DPP6: variants seen among roughly 807,000 people sequenced by gnomAD.
DPP6 encodes A-type potassium channel modulatory protein DPP6.
DPP6 carries 69 observed loss-of-function variants against 122.6 expected under a neutral mutation model. That is an observed-to-expected ratio of 0.56 (90% CI 0.46 to 0.69). DPP6 has a LOEUF of 0.69. Ranked by LOEUF, DPP6 falls within the 30% of genes least tolerant of loss-of-function variation. The probability of loss-of-function intolerance (pLI) is 0.00; values close to 1 mark genes in which losing one functional copy is unlikely to be tolerated. For synonymous variants in DPP6, 418 were observed against 433.1 expected (o/e 0.97, Z 0.43); for missense variants, 928 against 1,116.9 (o/e 0.83, Z 2.41).
At chr7:154,301,802 TTTTTTTTTTTTG>T (rs1356862850) in intron 1 of DPP6, among the ~76,000 whole-genome samples, 3,219 of 100,672 alleles carry the variant, frequency 0.032, 122 homozygotes, top group African/African-American at 0.16. Flanking sequence ...TTTTTTTTTT[TTTTTTTTTTTTG>T]TTGGAGACAG....
At chr7:154,770,744 A>C (rs994177890) in intron 9 of DPP6, among the ~76,000 whole-genome samples, 4 of 152,222 alleles carry the variant, frequency 2.6e-5, no homozygotes, top group Admixed American at 2.6e-4. Flanking sequence ...AGTGGCTGGG[A>C]GGGAATATTG....
At chr7:153,883,227 T>C (rs1199346966), upstream of DPP6, among the ~76,000 whole-genome samples, 5 of 152,210 alleles carry the variant, frequency 3.3e-5, no homozygotes, top group South Asian at 8.3e-4. Flanking sequence ...ATTTTGAGGA[T>C]GGGATAGGGA....
chr7:154,676,809 C>T (rs1056994677), intron 7 of DPP6, among the ~76,000 whole-genome samples: 7 of 152,262 alleles, frequency 4.6e-5, no homozygotes, highest in Admixed American at 6.5e-5. Context: ...GCAGGAACTA[C>T]GTGAAGCAGG....
At chr7:154,654,505 G>T (rs1008869366) in intron 6 of DPP6, among the ~76,000 whole-genome samples, 1 of 151,030 alleles carries the variant, frequency 6.6e-6, no homozygotes, top group Non-Finnish European at 1.5e-5. Context: ...TGCAACCTCT[G>T]CCTCCCAGGT....
intron 16 of DPP6, among the ~76,000 whole-genome samples, chr7:154,813,062 T>C (rs1022602837): frequency 1.3e-5 from 2 of 150,956 alleles, no homozygotes; most frequent in Admixed American, 6.7e-5. Flanking sequence ...ACTTAAATAA[T>C]AATTATTTTA....
At chr7:154,059,784 C>A (rs1264038839) in intron 1 of DPP6, among the ~76,000 whole-genome samples, 1 of 151,328 alleles carries the variant, frequency 6.6e-6, no homozygotes. Context: ...GGACTTTTAA[C>A]CCAAACTGTG....
chr7:154,375,109 C>G (rs964416105), intron 1 of DPP6, among the ~76,000 whole-genome samples: 1 of 151,952 alleles, frequency 6.6e-6, no homozygotes, highest in Non-Finnish European at 1.5e-5. Flanking sequence ...GCGTGAGTCC[C>G]GGGGAAGAGA....
chr7:154,374,565 GT>G lies in DPP6; in HGVS notation c.244-71639del, dbSNP rs528414842. ...TTGAGAGAATGGGCTGACATTATAG[GT>G]TTTTTTTTTCTTTTCTGTTTATTTT... On this transcript the variant is annotated intron_variant, in intron 1 of 25. Coordinates refer to ENST00000377770, the MANE Select transcript of DPP6 (RefSeq NM_130797.4). 6.2e-4 allele frequency among the ~76,000 whole-genome samples: 92 copies of G among 147,208 alleles called. No homozygotes were observed. In the South Asian group the frequency reaches 0.011, roughly 17 times the overall value.
At chr7:154,573,538 C>T (rs1831264004) in intron 5 of DPP6, among the ~76,000 whole-genome samples, 3 of 152,302 alleles carry the variant, frequency 2.0e-5, no homozygotes, top group South Asian at 2.1e-4. Flanking sequence ...CCTTTTATCC[C>T]GGGATGAATT....
chr7:154,127,636 C>CACACACACACAG lies in DPP6; in HGVS notation c.243+74584_243+74585insGACACACACACA, dbSNP rs1563225822. 3.8e-3 allele frequency among the ~76,000 whole-genome samples: 400 copies of CACACACACACAG among 104,160 alleles called. 1 individual carries two copies. The highest frequency in any genetic ancestry group is 0.017 in the African/African-American group (375 of 21,626). The allele number at this position is 104,160 out of a possible 152,430, so 68.3% of individuals were successfully genotyped here. A position where few individuals can be genotyped will look rare whatever the true frequency, so the allele number is the denominator to read the frequency against. The stretch of plus-strand genomic sequence containing the variant: ...ACACACACACACACACACACACAGA[C>CACACACACACAG]ACACACACACACACAGACACACACA... On this transcript the variant is annotated intron_variant, in intron 1 of 25. Coordinates refer to ENST00000377770, the MANE Select transcript of DPP6 (RefSeq NM_130797.4).
chr7:154,441,492 G>A (rs755523928), intron 1 of DPP6, among the ~76,000 whole-genome samples: 9 of 152,008 alleles, frequency 5.9e-5, no homozygotes, highest in Non-Finnish European at 1.3e-4. Flanking sequence ...TCCTTGCAGC[G>A]TTCAAAAATC....
At chr7:154,632,563 G>A (rs939047647) in intron 5 of DPP6, among the ~76,000 whole-genome samples, 6 of 152,186 alleles carry the variant, frequency 3.9e-5, no homozygotes, top group African/African-American at 1.4e-4. Context: ...GGCTGCTGAA[G>A]AGTTTATTCT....
intron 1 of DPP6, among the ~76,000 whole-genome samples, chr7:154,239,140 G>A (rs1801406160): frequency 6.6e-6 from 1 of 152,046 alleles, no homozygotes; most frequent in African/African-American, 2.4e-5. Flanking sequence ...AAATGGTCAG[G>A]GCCAATTCTT....
chr7:154,704,774 AT>A (rs1285348738), intron 7 of DPP6, among the ~76,000 whole-genome samples: 1 of 152,216 alleles, frequency 6.6e-6, no homozygotes, highest in Non-Finnish European at 1.5e-5. Context: ...GAGTATAAAC[AT>A]AACTTTTATA....
rs148945216 is a variant in DPP6 at position 153,954,229 on chromosome 7, C to T, written c.51+66495C>T. Among the ~76,000 whole-genome samples the T allele has an allele frequency of 5.9e-5, 9 of 152,298 alleles. No individual in the cohort carries two copies. The East Asian group carries it at 9.6e-4, about 16-fold the overall frequency. ...ATGTTTGTCTGTAAAGTGTCACTAT[C>T]GCAACTATGATGTGTGTTTCTTTGG... is the stretch of plus-strand genomic sequence containing the variant. On this transcript the variant is annotated intron_variant, in intron 1 of 25. Coordinates refer to the DPP6 transcript ENST00000404039.
chr7:154,489,570 C>T (rs1824094181), intron 3 of DPP6, among the ~76,000 whole-genome samples: 1 of 152,050 alleles, frequency 6.6e-6, no homozygotes, highest in African/African-American at 2.4e-5. Context: ...ACCCAGATTT[C>T]CAAAATAAGT....
intron 1 of DPP6, among the ~76,000 whole-genome samples, chr7:154,198,259 G>A (rs938496329): frequency 1.3e-5 from 2 of 152,118 alleles, no homozygotes; most frequent in African/African-American, 4.8e-5. Flanking sequence ...CTACTACAGA[G>A]GGTGAGAGAC....
chr7:154,795,706 C>A lies in DPP6; in HGVS notation c.1261-139C>A, dbSNP rs1001411886. Reference sequence around the variant, plus strand: ...CCTCCTCCCAGAGCTGCCGTGGCAGCTGTGCAATGCTTGTGCAGCGGCCAT... The same window carrying A: ...CCTCCTCCCAGAGCTGCCGTGGCAGATGTGCAATGCTTGTGCAGCGGCCAT... On this transcript the variant is annotated intron_variant, in intron 11 of 25. Coordinates refer to ENST00000377770, the MANE Select transcript of DPP6 (RefSeq NM_130797.4). 8 of 1,232,780 alleles carry A rather than the reference C, an allele frequency of 6.5e-6. No homozygotes were observed. In the South Asian group the frequency reaches 1.2e-4, roughly 18 times the overall value. The allele number at this position is 1,232,780 out of a possible 1,614,324, so 76.4% of individuals were successfully genotyped here. A position where few individuals can be genotyped will look rare whatever the true frequency, so the allele number is the denominator to read the frequency against.
intron 10 of DPP6, among the ~76,000 whole-genome samples, chr7:154,782,150 G>A (rs1044343103): frequency 2.6e-5 from 4 of 152,100 alleles, no homozygotes; most frequent in East Asian, 1.9e-4. Context: ...ACCTAGAACC[G>A]TGTCTCCCAC....
Sources: gnomAD v4.1 joint callset for allele counts (sites outside exome capture counted in the v4.1 genomes callset) on GRCh38, gnomAD v4.1.1 for gene constraint, MANE v1.5 for transcripts, NCBI Gene and HGNC (gene_info 2026-07-23, HGNC 2026-07-21) for gene names.